The following SPAG17 variants were observed in gnomAD, a reference collection of about 807,000 sequenced individuals.
SPAG17 encodes the protein sperm-associated antigen 17.
SPAG17 carries 169 observed loss-of-function variants against 273.6 expected under a neutral mutation model. The ratio of observed to expected loss-of-function variants is 0.62; its 90% CI spans 0.55 to 0.70. SPAG17 has a LOEUF of 0.70. Ranked by LOEUF, SPAG17 falls within the 30% of genes least tolerant of loss-of-function variation. The probability of loss-of-function intolerance (pLI) is 0.00; values close to 1 mark genes in which losing one functional copy is unlikely to be tolerated. For missense variants in SPAG17, 2,557 were observed against 2,627.8 expected, an observed-to-expected ratio of 0.97 and a Z score of 0.59; for synonymous variants, 825 against 873.2, an observed-to-expected ratio of 0.94 and a Z score of 0.97.
rs530026452 is a variant in SPAG17 at position 117,994,297 on chromosome 1, A to G, written c.5178+109T>C. On this transcript the variant is annotated intron_variant, in intron 35 of 48. Coordinates refer to ENST00000336338, the MANE Select transcript of SPAG17 (RefSeq NM_206996.4). ...CTCCTTGAGCACATTAAAAATTTACATAAGAATGAAAATATATGAATATAT... is the reference window on the plus strand; with the variant it reads ...CTCCTTGAGCACATTAAAAATTTACGTAAGAATGAAAATATATGAATATAT... 45 of 1,210,928 alleles carry G rather than the reference A, an allele frequency of 3.7e-5. No homozygotes were observed. In the Admixed American group the frequency reaches 4.1e-4, roughly 11 times the overall value. The allele number at this position is 1,210,928 out of a possible 1,614,324, so 75.0% of individuals were successfully genotyped here.
chr1:118,039,111 C>T (rs186397229), intron 23 of SPAG17, among the ~76,000 whole-genome samples, 181 bp downstream of exon 23: 51 of 152,174 alleles, frequency 3.4e-4, no homozygotes, highest in African/African-American at 1.1e-3. Context: ...AAAAAGATAA[C>T]GCTTAATATC....
chr1:118,078,066 T>C (rs980820080), intron 15 of SPAG17, among the ~76,000 whole-genome samples: 14 of 152,178 alleles, frequency 9.2e-5, no homozygotes, highest in Admixed American at 2.6e-4. Context: ...TATTAGTTAA[T>C]GTACTTGAGA....
rs114784795 is a variant in SPAG17 at position 118,116,666 on chromosome 1, T to C, written c.316-1225A>G. Among the ~76,000 whole-genome samples the C allele has an allele frequency of 6.5e-3, 996 of 152,278 alleles. 10 individuals carry two copies. The highest frequency in any genetic ancestry group is 0.023 in the African/African-American group (946 of 41,544). Reference sequence around the variant, plus strand: ...CTGCAGAAGGCTCTATGGATTACCATGTGCCAAAATGTAACTGGACCTCAT... The same window carrying C: ...CTGCAGAAGGCTCTATGGATTACCACGTGCCAAAATGTAACTGGACCTCAT... On this transcript the variant is annotated intron_variant, in intron 3 of 48. Coordinates refer to ENST00000336338, the MANE Select transcript of SPAG17 (RefSeq NM_206996.4).
chr1:118,067,122 T>C (rs948262061), intron 17 of SPAG17, among the ~76,000 whole-genome samples: 1 of 152,186 alleles, frequency 6.6e-6, no homozygotes, highest in Non-Finnish European at 1.5e-5. Flanking sequence ...AAACAAATAC[T>C]AGGCATCAGG....
intron 44 of SPAG17, among the ~76,000 whole-genome samples, chr1:117,972,776 GAA>G (rs11289207): frequency 6.6e-6 from 1 of 151,320 alleles, no homozygotes; most frequent in Non-Finnish European, 1.5e-5. Context: ...TGCCATGGAA[GAA>G]AAAAAAAGAT....
At chr1:118,028,771 C>T (rs1351616188) in intron 25 of SPAG17, among the ~76,000 whole-genome samples, 1 of 152,090 alleles carries the variant, frequency 6.6e-6, no homozygotes, top group East Asian at 1.9e-4. Context: ...TGTCCCCCAT[C>T]CAAACTCGTA....
chr1:118,089,354 T>TGTGTGTGTGTGTGA, intron 10 of SPAG17, among the ~76,000 whole-genome samples: 1 of 150,744 alleles, frequency 6.6e-6, no homozygotes, highest in Non-Finnish European at 1.5e-5. Flanking sequence ...TGTGTGTGTG[T>TGTGTGTGTGTGTGA]GGTGGCAGGT....
intron 4 of SPAG17, among the ~76,000 whole-genome samples, chr1:118,110,917 C>A (rs919197675): frequency 7.2e-5 from 11 of 152,144 alleles, no homozygotes; most frequent in Non-Finnish European, 1.3e-4. Context: ...TGAATCCCAG[C>A]TCTTCCACTG....
At chr1:118,147,018 CT>C in intron 3 of SPAG17, among the ~76,000 whole-genome samples, 1 of 152,322 alleles carries the variant, frequency 6.6e-6, no homozygotes, top group East Asian at 1.9e-4. Context: ...TTCTTATACA[CT>C]TTACCTGTCT....
intron 1 of SPAG17, among the ~76,000 whole-genome samples, chr1:118,172,418 A>G (rs1214137182): frequency 6.6e-6 from 1 of 152,152 alleles, no homozygotes; most frequent in Admixed American, 6.6e-5. Context: ...TGTGCATTTA[A>G]TGTTTCCTGT....
At chr1:118,173,656 A>G (rs982599074) in intron 1 of SPAG17, among the ~76,000 whole-genome samples, 2 of 152,166 alleles carry the variant, frequency 1.3e-5, no homozygotes, top group Non-Finnish European at 1.5e-5. Flanking sequence ...GCAGTCATAT[A>G]TGGGAGAACT....
chr1:118,077,002 C>A (rs1654155342), intron 15 of SPAG17, among the ~76,000 whole-genome samples: 1 of 151,998 alleles, frequency 6.6e-6, no homozygotes, highest in South Asian at 2.1e-4. Context: ...CTGTCAAGTT[C>A]AAAAATAGTC....
chr1:118,053,863 T>C (rs1203752445), intron 20 of SPAG17, 139 bp downstream of exon 20: 4 of 594,614 alleles, frequency 6.7e-6, no homozygotes, highest in Middle Eastern at 3.8e-4. Flanking sequence ...CAAAAAGAGA[T>C]GGTCTCCAGC....
At chr1:118,117,921 C>T (rs1429681305) in intron 3 of SPAG17, among the ~76,000 whole-genome samples, 1 of 152,228 alleles carries the variant, frequency 6.6e-6, no homozygotes, top group African/African-American at 2.4e-5. Context: ...AAATGAAAGT[C>T]TATGCTGAAC....
chr1:118,104,092 T>A (rs1436530988), intron 4 of SPAG17, among the ~76,000 whole-genome samples: 1 of 152,158 alleles, frequency 6.6e-6, no homozygotes, highest in Non-Finnish European at 1.5e-5. Flanking sequence ...AGGAGCTCTA[T>A]GATTTTGCAA....
At chr1:118,137,597 T>C (rs1658435492) in intron 3 of SPAG17, among the ~76,000 whole-genome samples, 1 of 152,244 alleles carries the variant, frequency 6.6e-6, no homozygotes, top group South Asian at 2.1e-4. Context: ...TTTCCTGTGT[T>C]TCAAACTACT....
rs757454476 is a variant in SPAG17 at position 117,996,725 on chromosome 1, T to C, written c.4795A>G (p.Ile1599Val). 28 of 1,610,750 alleles carry C rather than the reference T, an allele frequency of 1.7e-5. No homozygotes were observed. The highest frequency in any genetic ancestry group is 1.9e-5 in the Non-Finnish European group (22 of 1,178,770). Residue 1599 changes from isoleucine to valine, a missense_variant, in exon 33 of 49, where the codon ATA becomes GTA. Coordinates refer to ENST00000336338, the MANE Select transcript of SPAG17 (RefSeq NM_206996.4). ...TTTTTTTCAGGTAATATAGTTGATA[T>C]GCTACCATCAGCCATGACCTAAGGG... is the stretch of plus-strand genomic sequence containing the variant. Reference protein sequence around the residue: ...NTFQVMADGSISTILPEKKLE... With the variant: ...NTFQVMADGSVSTILPEKKLE...
intron 19 of SPAG17, among the ~76,000 whole-genome samples, chr1:118,054,490 T>C (rs548035879): frequency 2.4e-4 from 36 of 152,260 alleles, no homozygotes; most frequent in Middle Eastern, 3.4e-3. Flanking sequence ...TGAAGACTTA[T>C]ACTTTTCCGT....
Position 117,972,029 on chromosome 1 carries a change from C to T in SPAG17, c.6160G>A (p.Gly2054Arg), listed in dbSNP as rs1216509252. 6.2e-7 allele frequency: 1 copy of T among 1,612,740 alleles called. No individual in the cohort carries two copies. Among genetic ancestry groups the T allele is most frequent in the Non-Finnish European group, 8.5e-7 (1 of 1,179,410 alleles). The change falls in exon 45 of 49, where the codon GGA becomes AGA. Residue 2054 changes from glycine (G) to arginine (R), a missense_variant. Transcript: ENST00000336338. ...GCAACAGAGGATGTGTTCACTTTTC[C>T]TCCAACAGAATCTTGCACCTTTGCA... ...PLAKVQDSVGGKVNTSSVASA... is the reference protein window; with the variant it reads ...PLAKVQDSVGRKVNTSSVASA...
Sources: allele counts gnomAD v4.1 joint callset (sites outside exome capture counted in the v4.1 genomes callset), GRCh38; gene constraint gnomAD v4.1.1; transcripts MANE v1.5; gene names NCBI Gene and HGNC (gene_info 2026-07-23, HGNC 2026-07-21).